PLGRKT: variants seen among roughly 807,000 people sequenced by gnomAD.
PLGRKT encodes the protein plasminogen receptor with a C-terminal lysine.
In PLGRKT, 22 loss-of-function variants were observed where a neutral mutation model predicts 18.5. That is an observed-to-expected ratio of 1.19 (90% confidence interval 0.85 to 1.70). The LOEUF is 1.70. PLGRKT is among the 40% of genes most tolerant of loss of function. The pLI, the probability that PLGRKT is intolerant of heterozygous loss-of-function variation, is 0.00. For synonymous variants in PLGRKT, 72 were observed against 52.8 expected (o/e 1.36, Z -1.58); for missense variants, 235 against 174.4 (o/e 1.35, Z -1.96).
chr9:5,375,189 C>T (rs1218133921), intron 3 of PLGRKT, among the ~76,000 whole-genome samples: 1 of 152,184 alleles, frequency 6.6e-6, no homozygotes, highest in African/African-American at 2.4e-5. Context: ...GTACATTTTA[C>T]ATTATGAGTT....
intron 5 of PLGRKT, among the ~76,000 whole-genome samples, 198 bp from the exon 6 acceptor site, chr9:5,358,558 A>G (rs1400105853): frequency 1.3e-5 from 2 of 152,214 alleles, no homozygotes; most frequent in Non-Finnish European, 1.5e-5. Flanking sequence ...ACCCATAAAT[A>G]AATCAGGAGC....
In PLGRKT at chr9:5,395,173, T is replaced by C. The variant is rs182246385; in HGVS notation, c.82-33285A>G. ...ATCTTCAAATAGGTGTAATATATTA[T>C]TGGGGTTTTACAATTTTCAAGAGAA... On this transcript the variant is annotated intron_variant, in intron 3 of 5. Coordinates refer to ENST00000223864, the MANE Select transcript of PLGRKT (RefSeq NM_018465.4). 5.4e-4 allele frequency among the ~76,000 whole-genome samples: 82 copies of C among 151,854 alleles called. 1 individual carries two copies. Among genetic ancestry groups the C allele is most frequent in the African/African-American group, 1.7e-3 (72 of 41,214 alleles).
intron 3 of PLGRKT, among the ~76,000 whole-genome samples, chr9:5,403,978 C>T (rs992159864): frequency 6.6e-6 from 1 of 152,154 alleles, no homozygotes; most frequent in Admixed American, 6.5e-5. Flanking sequence ...TACAAACAAC[C>T]ATCAGAGAAT....
At chr9:5,420,204 T>A (rs1387421003) in intron 3 of PLGRKT, among the ~76,000 whole-genome samples, 2 of 152,204 alleles carry the variant, frequency 1.3e-5, no homozygotes, top group Admixed American at 6.5e-5. Flanking sequence ...AGATGAGTGG[T>A]TGCAGAAAGC....
chr9:5,388,990 C>T lies in PLGRKT; in HGVS notation c.82-27102G>A, dbSNP rs533444511. Among the ~76,000 whole-genome samples the T allele has an allele frequency of 2.6e-5, 4 of 152,080 alleles. No homozygotes were observed. The East Asian group carries it at 7.7e-4, about 29-fold the overall frequency. On this transcript the variant is annotated intron_variant, in intron 3 of 5. Transcript: ENST00000223864. ...AAATACCTACAGTTGATAAAGTTGG[C>T]TTATTGACTTGTGCAATGAAGAAGA...
intron 3 of PLGRKT, among the ~76,000 whole-genome samples, chr9:5,378,061 C>T (rs1276327449): frequency 6.6e-6 from 1 of 152,164 alleles, no homozygotes; most frequent in Admixed American, 6.5e-5. Flanking sequence ...ACATGTTGCA[C>T]ATTCCAAAAG....
At chr9:5,420,330 A>G (rs1016264461) in intron 3 of PLGRKT, among the ~76,000 whole-genome samples, 1 of 152,232 alleles carries the variant, frequency 6.6e-6, no homozygotes, top group Non-Finnish European at 1.5e-5. Flanking sequence ...TAGTGGTGAC[A>G]GTTGCACAAC....
chr9:5,400,126 T>G (rs1287103021), intron 3 of PLGRKT, among the ~76,000 whole-genome samples: 1 of 151,932 alleles, frequency 6.6e-6, no homozygotes, highest in African/African-American at 2.4e-5. Context: ...TTACTAATGT[T>G]AAAGTGCAGG....
intron 3 of PLGRKT, among the ~76,000 whole-genome samples, chr9:5,419,531 C>T (rs1409699711): frequency 6.6e-6 from 1 of 152,090 alleles, no homozygotes; most frequent in Non-Finnish European, 1.5e-5. Flanking sequence ...CCGCCGCGAG[C>T]CACAAAAAAA....
At chr9:5,426,717 T>C (rs907713520) in intron 3 of PLGRKT, among the ~76,000 whole-genome samples, 3 of 152,184 alleles carry the variant, frequency 2.0e-5, no homozygotes, top group African/African-American at 7.2e-5. Flanking sequence ...TGACTGCTCT[T>C]TAGCTGGGCC....
Position 5,358,235 on chromosome 9 carries a change from GATTTC to G in PLGRKT, c.443_*3del. ...GCTTTGAGATTTGATTGGTAAGCAT[GATTTC>G]ATTTGTCTATGAAGAATCTACTCTG... On this transcript the variant is annotated stop_lost and 3_prime_UTR_variant, in exon 6 of 6. Transcript: ENST00000223864. 6.2e-7 allele frequency: 1 copy of G among 1,605,550 alleles called. No homozygotes were observed.
In PLGRKT at chr9:5,383,581, G is replaced by C. The variant is rs1817785631; in HGVS notation, c.82-21693C>G. ...TCACCATAATGTACAATCAGTAAGA[G>C]CTCTGAGCTTGTTTTCCTTCAACTA... On this transcript the variant is annotated intron_variant, in intron 3 of 5. Coordinates refer to ENST00000223864, the MANE Select transcript of PLGRKT (RefSeq NM_018465.4). Among the ~76,000 whole-genome samples, 4 of 152,148 alleles carry C rather than the reference G, an allele frequency of 2.6e-5. No homozygotes were observed. In the South Asian group the frequency reaches 8.3e-4, roughly 32 times the overall value.
intron 3 of PLGRKT, among the ~76,000 whole-genome samples, chr9:5,363,988 G>A (rs1817326154): frequency 6.6e-6 from 1 of 152,156 alleles, no homozygotes; most frequent in South Asian, 2.1e-4. Context: ...CTTACATACT[G>A]ATTCATCATA....
intron 3 of PLGRKT, among the ~76,000 whole-genome samples, chr9:5,403,283 G>A (rs1818191846): frequency 6.7e-6 from 1 of 150,040 alleles, no homozygotes; most frequent in Admixed American, 6.6e-5. Flanking sequence ...GAGTACAATG[G>A]TGCGATCTCC....
chr9:5,395,280 C>G (rs1453297647), intron 3 of PLGRKT, among the ~76,000 whole-genome samples: 1 of 151,868 alleles, frequency 6.6e-6, no homozygotes, highest in Non-Finnish European at 1.5e-5. Flanking sequence ...AGTAAAGTTA[C>G]TGATATATGC....
intron 3 of PLGRKT, among the ~76,000 whole-genome samples, chr9:5,400,462 AC>A (rs1392178099): frequency 6.6e-6 from 1 of 151,890 alleles, no homozygotes; most frequent in East Asian, 1.9e-4. Flanking sequence ...TAAATCCCTA[AC>A]CTGATGGTCC....
Position 5,418,152 on chromosome 9 carries a change from G to C in PLGRKT, c.81+13745C>G, listed in dbSNP as rs10975106. ...GATGCATGCAATCATCTTCAAAGCT[G>C]TTGCCATCAGTACTCAGAGCAAGTT... is the stretch of plus-strand genomic sequence containing the variant. On this transcript the variant is annotated intron_variant, in intron 3 of 5. Coordinates refer to ENST00000223864, the MANE Select transcript of PLGRKT (RefSeq NM_018465.4). This position sits in a 1 kb window ranked among gnomAD's most constrained non-coding sequence, Gnocchi z 4.2. Among the ~76,000 whole-genome samples, 34,917 of 152,112 alleles carry C rather than the reference G, an allele frequency of 0.23. 4,445 individuals carry two copies. The highest frequency in any genetic ancestry group is 0.29 in the Non-Finnish European group (19,517 of 67,996).
intron 3 of PLGRKT, among the ~76,000 whole-genome samples, chr9:5,380,107 G>C (rs1389282623): frequency 1.3e-5 from 2 of 152,186 alleles, no homozygotes. Flanking sequence ...GCTCATGCCT[G>C]TAATCCCCGC....
At chr9:5,382,672 T>C (rs1817769717) in intron 3 of PLGRKT, among the ~76,000 whole-genome samples, 1 of 152,142 alleles carries the variant, frequency 6.6e-6, no homozygotes, top group African/African-American at 2.4e-5. Flanking sequence ...AACAGAACAG[T>C]GACATGATCA....
Sources: gnomAD v4.1 joint callset for allele counts (sites outside exome capture counted in the v4.1 genomes callset) on GRCh38, gnomAD v4.1.1 for gene constraint, Gnocchi (gnomAD v3.1) non-coding constraint, MANE v1.5 for transcripts, NCBI Gene and HGNC (gene_info 2026-07-23, HGNC 2026-07-21) for gene names.